Variants in PRKN observed in about 807,000 individuals in gnomAD.
PRKN encodes the protein E3 ubiquitin-protein ligase parkin.
Under a neutral mutation model 59.5 loss-of-function variants are expected in PRKN, and 56 were observed. That is an observed-to-expected ratio of 0.94 (90% CI 0.76 to 1.18). The LOEUF (loss-of-function observed/expected upper bound fraction) is 1.18, where lower values mean the gene tolerates loss of function less well. Ranked by LOEUF, PRKN falls within the 50% of genes most tolerant of loss-of-function variation. The probability of loss-of-function intolerance (pLI) is 0.00; values close to 1 mark genes in which losing one functional copy is unlikely to be tolerated. For synonymous variants in PRKN, 250 were observed against 222.1 expected (o/e 1.13, Z -1.12); for missense variants, 657 against 596.4 (o/e 1.10, Z -1.06).
rs151065730 is a variant in PRKN, at chr6:161,359,886, G to A, written c.1285+202C>T. Among the ~76,000 whole-genome samples, 37 of 152,250 alleles carry A rather than the reference G, an allele frequency of 2.4e-4. No individual in the cohort carries two copies. Among genetic ancestry groups the A allele is most frequent in the African/African-American group, 7.9e-4 (33 of 41,542 alleles). ...AAATGCTAACTGTGTGCCTCACATA[G>A]CCATGGAACTACTCACTCATTAAAT... On this transcript the variant is annotated intron_variant, in intron 11 of 11. Transcript: ENST00000366898. This position sits in a 1 kb window ranked among gnomAD's most constrained non-coding sequence, Gnocchi z 5.4.
intron 2 of PRKN, among the ~76,000 whole-genome samples, chr6:162,312,093 T>C (rs945728160): frequency 5.9e-5 from 9 of 152,084 alleles, no homozygotes; most frequent in South Asian, 2.1e-4. Flanking sequence ...TTGGAACTCA[T>C]TGGCAGATAA....
At chr6:162,441,124 T>C (rs1583576979) in intron 2 of PRKN, among the ~76,000 whole-genome samples, 1 of 152,032 alleles carries the variant, frequency 6.6e-6, no homozygotes, top group South Asian at 2.1e-4. Flanking sequence ...CAGCTAGGCA[T>C]CTCCAAACAC....
At chr6:162,109,968 T>C (rs1200553736) in intron 4 of PRKN, among the ~76,000 whole-genome samples, 1 of 152,240 alleles carries the variant, frequency 6.6e-6, no homozygotes, top group Non-Finnish European at 1.5e-5. Context: ...ATGAATCATT[T>C]AGTAAACACT....
chr6:162,514,000 T>G (rs903164026), intron 1 of PRKN, among the ~76,000 whole-genome samples: 3 of 151,644 alleles, frequency 2.0e-5, no homozygotes, highest in Admixed American at 6.6e-5. Flanking sequence ...AAGCCAAGAT[T>G]GCACCACTGC....
intron 7 of PRKN, among the ~76,000 whole-genome samples, chr6:161,570,498 TC>T (rs1373937587): frequency 6.6e-6 from 1 of 151,040 alleles, no homozygotes; most frequent in Admixed American, 6.6e-5. Context: ...GACCAACCCT[TC>T]CCCCTCCTCC....
chr6:162,516,866 A>G (rs1199306664), intron 1 of PRKN, among the ~76,000 whole-genome samples: 1 of 152,130 alleles, frequency 6.6e-6, no homozygotes, highest in Admixed American at 6.6e-5. Context: ...TGCCTACTAT[A>G]TAGCTGGAAT....
intron 2 of PRKN, among the ~76,000 whole-genome samples, chr6:162,402,579 A>G (rs551443810): frequency 6.6e-6 from 1 of 152,108 alleles, no homozygotes; most frequent in South Asian, 2.1e-4. Context: ...GCCTCCTTTA[A>G]CTAAAGCACT....
intron 7 of PRKN, among the ~76,000 whole-genome samples, chr6:161,691,792 A>T (rs1421460879): frequency 3.3e-5 from 5 of 152,224 alleles, no homozygotes; most frequent in Non-Finnish European, 7.3e-5. Context: ...TTGCTCTTTC[A>T]TCCACAGCAG....
At chr6:162,182,276 T>C (rs897840699) in intron 4 of PRKN, among the ~76,000 whole-genome samples, 1 of 152,170 alleles carries the variant, frequency 6.6e-6, no homozygotes, top group Non-Finnish European at 1.5e-5. Flanking sequence ...AAAATCATGA[T>C]TCAATCTGCG....
At chr6:162,479,766 T>C (rs924155526) in intron 1 of PRKN, among the ~76,000 whole-genome samples, 21 of 151,766 alleles carry the variant, frequency 1.4e-4, no homozygotes, top group African/African-American at 5.1e-4. Flanking sequence ...TGTTTTTTTT[T>C]CTCAAAAATA....
rs548743646 is a variant in PRKN, at chr6:161,567,037, T to TTTTTTTGTG, written c.933+2317_933+2318insCACAAAAAA. ...CACTGTCCTTGTTTTTTTTTTTTTT[T>TTTTTTTGTG]TGTGTGTGTGTGTGTGTGTGTGAGA... On this transcript the variant is annotated intron_variant, in intron 8 of 11. Transcript: ENST00000366898. Among the ~76,000 whole-genome samples, 7 of 103,800 alleles carry TTTTTTTGTG rather than the reference T, an allele frequency of 6.7e-5. No individual in the cohort carries two copies. In the East Asian group the frequency reaches 1.1e-3, roughly 16 times the overall value. 68.1% of individuals were successfully genotyped at this position (103,800 alleles called of 152,430 possible). A position where few individuals can be genotyped will look rare whatever the true frequency, so the allele number is the denominator to read the frequency against.
At chr6:161,834,972 A>G (rs1792684785) in intron 6 of PRKN, among the ~76,000 whole-genome samples, 1 of 151,500 alleles carries the variant, frequency 6.6e-6, no homozygotes, top group South Asian at 2.1e-4. Flanking sequence ...ACCCCGGAGC[A>G]CCCCCGTCAG....
intron 1 of PRKN, among the ~76,000 whole-genome samples, chr6:162,463,925 T>C (rs565596207): frequency 6.6e-6 from 1 of 152,380 alleles, no homozygotes; most frequent in African/African-American, 2.4e-5. Flanking sequence ...GCTGTTATTT[T>C]GTTGTTGTTT....
rs1004597592 is a variant in PRKN at position 161,359,279 on chromosome 6, G to A, written c.1285+809C>T. On this transcript the variant is annotated intron_variant, in intron 11 of 11. Transcript: ENST00000366898. The surrounding 1 kb of genome is among the most constrained non-coding windows in gnomAD (Gnocchi z 5.4). ...CGGCTCTGGGATGTGTTCAAGCACCGTCTTGTTTGTATTAATGAAAACTTC... is the reference window on the plus strand; with the variant it reads ...CGGCTCTGGGATGTGTTCAAGCACCATCTTGTTTGTATTAATGAAAACTTC... Among the ~76,000 whole-genome samples the A allele has an allele frequency of 2.0e-5, 3 of 152,196 alleles. No homozygotes were observed. Among genetic ancestry groups the A allele is most frequent in the Non-Finnish European group, 4.4e-5 (3 of 68,042 alleles).
intron 4 of PRKN, among the ~76,000 whole-genome samples, chr6:162,055,630 G>A (rs1386646835): frequency 6.6e-5 from 10 of 152,100 alleles, no homozygotes; most frequent in Non-Finnish European, 1.0e-4. Context: ...GGAGGGGATT[G>A]ACAGAGCTTC....
At chr6:161,738,144 C>A (rs1470613881) in intron 7 of PRKN, among the ~76,000 whole-genome samples, 1 of 152,084 alleles carries the variant, frequency 6.6e-6, no homozygotes, top group Non-Finnish European at 1.5e-5. Flanking sequence ...CTTTATTTTA[C>A]TATTTTTCTA....
At chr6:161,367,172 G>C (rs545610314) in intron 10 of PRKN, among the ~76,000 whole-genome samples, 1 of 151,552 alleles carries the variant, frequency 6.6e-6, no homozygotes, top group African/African-American at 2.4e-5. Flanking sequence ...TAGTAGAGAC[G>C]GGGTTTCACC....
At chr6:162,029,758 T>C (rs1783569702) in intron 5 of PRKN, among the ~76,000 whole-genome samples, 1 of 152,186 alleles carries the variant, frequency 6.6e-6, no homozygotes, top group South Asian at 2.1e-4. Context: ...CATTGGAAGG[T>C]GTTAACAACT....
chr6:162,588,621 G>C (rs571725825), intron 1 of PRKN, among the ~76,000 whole-genome samples: 1 of 151,936 alleles, frequency 6.6e-6, no homozygotes, highest in Admixed American at 6.6e-5. Context: ...GCGCCATCTC[G>C]GCTCACTGCA....
Sources: gnomAD v4.1 joint callset for allele counts (sites outside exome capture counted in the v4.1 genomes callset) on GRCh38, gnomAD v4.1.1 for gene constraint, Gnocchi (gnomAD v3.1) non-coding constraint, MANE v1.5 for transcripts, NCBI Gene and HGNC (gene_info 2026-07-23, HGNC 2026-07-21) for gene names.